The following PCDH15 variants were observed in gnomAD, a reference collection of about 807,000 sequenced individuals.
PCDH15 encodes the protein protocadherin-15.
In PCDH15, 129 loss-of-function variants were observed where a neutral mutation model predicts 178.5. The ratio of observed to expected loss-of-function variants is 0.72; its 90% CI spans 0.63 to 0.84. The LOEUF (loss-of-function observed/expected upper bound fraction) is 0.84, where lower values mean the gene tolerates loss of function less well. Ranked by LOEUF, PCDH15 falls within the 40% of genes least tolerant of loss-of-function variation. The pLI is 0.00. For synonymous variants in PCDH15, 800 were observed against 732.0 expected (o/e 1.09, Z -1.50); for missense variants, 2,230 against 2,099.9 (o/e 1.06, Z -1.21).
At chr10:55,405,914 T>C (rs763684131) in intron 2 of PCDH15, among the ~76,000 whole-genome samples, 1 of 151,532 alleles carries the variant, frequency 6.6e-6, no homozygotes, top group South Asian at 2.1e-4. Flanking sequence ...GTAAGTTTAA[T>C]AGGGTGTTCT....
At chr10:55,127,459 T>C (rs1286874993) in intron 2 of PCDH15, among the ~76,000 whole-genome samples, 3 of 152,064 alleles carry the variant, frequency 2.0e-5, no homozygotes, top group Non-Finnish European at 4.4e-5. Flanking sequence ...TCCACATATC[T>C]ATAGAATGGA....
chr10:54,436,682 T>C (rs1350304606), intron 3 of PCDH15, among the ~76,000 whole-genome samples: 2 of 152,178 alleles, frequency 1.3e-5, no homozygotes, highest in African/African-American at 4.8e-5. Context: ...CCAAATATGC[T>C]ACAATTAAAA....
At chr10:54,865,455 T>C (rs565621470) in intron 3 of PCDH15, among the ~76,000 whole-genome samples, 2 of 152,306 alleles carry the variant, frequency 1.3e-5, no homozygotes, top group Admixed American at 1.3e-4. Flanking sequence ...GAGCCACTAC[T>C]AGCTTCCTTG....
chr10:54,811,432 C>A (rs2133729121), intron 3 of PCDH15, among the ~76,000 whole-genome samples: 1 of 152,148 alleles, frequency 6.6e-6, no homozygotes, highest in East Asian at 1.9e-4. Context: ...TGAAACAGTA[C>A]AACCATCGCT....
intron 27 of PCDH15, among the ~76,000 whole-genome samples, chr10:53,859,069 G>A (rs931900392): frequency 2.1e-5 from 3 of 143,702 alleles, no homozygotes; most frequent in Admixed American, 7.0e-5. Context: ...GGCCAGAAAC[G>A]GTTAAAAAAA....
At chr10:55,216,031 T>G (rs1221172206) in intron 1 of PCDH15, among the ~76,000 whole-genome samples, 1 of 151,938 alleles carries the variant, frequency 6.6e-6, no homozygotes, top group African/African-American at 2.4e-5. Flanking sequence ...GTTACTTACA[T>G]GTATTATCTA....
At chr10:55,495,696 A>G (rs1182945481) in intron 2 of PCDH15, among the ~76,000 whole-genome samples, 1 of 151,840 alleles carries the variant, frequency 6.6e-6, no homozygotes. Flanking sequence ...CTTTCTCAAA[A>G]TTTTCAACAT....
intron 2 of PCDH15, among the ~76,000 whole-genome samples, chr10:54,950,977 C>T (rs1166014256): frequency 6.6e-6 from 1 of 151,878 alleles, no homozygotes; most frequent in Admixed American, 6.6e-5. Context: ...AATATTTCCT[C>T]ACCTCCACCC....
intron 3 of PCDH15, among the ~76,000 whole-genome samples, chr10:54,497,279 T>C (rs986293909): frequency 1.4e-5 from 2 of 146,450 alleles, no homozygotes; most frequent in Admixed American, 6.8e-5. Flanking sequence ...CCAAACAATA[T>C]AAAAGCACAA....
chr10:54,755,469 C>G (rs1348882376), intron 1 of PCDH15, among the ~76,000 whole-genome samples: 1 of 152,050 alleles, frequency 6.6e-6, no homozygotes, highest in African/African-American at 2.4e-5. Flanking sequence ...GGGTGCAGCT[C>G]TAGAATTATA....
intron 23 of PCDH15, among the ~76,000 whole-genome samples, chr10:53,959,360 A>G (rs532961981): frequency 7.9e-4 from 120 of 151,878 alleles, no homozygotes; most frequent in Admixed American, 1.6e-3. Context: ...ATATGATTGC[A>G]GATTGCATGC....
intron 1 of PCDH15, among the ~76,000 whole-genome samples, chr10:55,235,831 C>T (rs1289417523): frequency 1.4e-5 from 2 of 145,214 alleles, no homozygotes; most frequent in Admixed American, 7.1e-5. Flanking sequence ...TGCTTGAACC[C>T]GGGAGGTGGA....
At chr10:55,537,981 G>C (rs1841620498) in intron 2 of PCDH15, among the ~76,000 whole-genome samples, 1 of 152,108 alleles carries the variant, frequency 6.6e-6, no homozygotes, top group African/African-American at 2.4e-5. Flanking sequence ...CCTTCACAAT[G>C]ATAAAATCAC....
chr10:54,446,317 C>A (rs777332659), intron 3 of PCDH15, among the ~76,000 whole-genome samples: 56 of 151,560 alleles, frequency 3.7e-4, no homozygotes, highest in Admixed American at 9.9e-4. Flanking sequence ...TAAATACATT[C>A]TCTCATATTC....
chr10:54,764,882 T>G (rs948720534), intron 1 of PCDH15, among the ~76,000 whole-genome samples: 1 of 152,180 alleles, frequency 6.6e-6, no homozygotes, highest in Non-Finnish European at 1.5e-5. Flanking sequence ...GAAGAATTTT[T>G]GTAAGTCTTG....
At chr10:54,017,966 G>C (rs1253233953) in intron 20 of PCDH15, among the ~76,000 whole-genome samples, 1 of 152,098 alleles carries the variant, frequency 6.6e-6, no homozygotes, top group Admixed American at 6.6e-5. Flanking sequence ...ATGTATTGGT[G>C]AAATCTTTTT....
At chr10:54,500,553 G>A (rs2080573620) in intron 3 of PCDH15, among the ~76,000 whole-genome samples, 1 of 152,116 alleles carries the variant, frequency 6.6e-6, no homozygotes, top group Non-Finnish European at 1.5e-5. Flanking sequence ...TCCATAGTCA[G>A]GCCCGGTGGT....
At chr10:53,983,756 T>A (rs181622564) in intron 21 of PCDH15, among the ~76,000 whole-genome samples, 10 of 152,324 alleles carry the variant, frequency 6.6e-5, no homozygotes, top group Non-Finnish European at 5.9e-5. Flanking sequence ...ACCGTCAGAC[T>A]TTCCTAATAC....
intron 2 of PCDH15, among the ~76,000 whole-genome samples, chr10:54,998,035 G>A (rs986245746): frequency 1.3e-5 from 2 of 151,728 alleles, no homozygotes; most frequent in African/African-American, 4.8e-5. Context: ...AAAATGTAAG[G>A]GTACTTAGAA....
Sources: gnomAD v4.1 joint callset for allele counts (sites outside exome capture counted in the v4.1 genomes callset) on GRCh38, gnomAD v4.1.1 for gene constraint, MANE v1.5 for transcripts, NCBI Gene and HGNC (gene_info 2026-07-23, HGNC 2026-07-21) for gene names.